The following IQSEC2 variants were observed in gnomAD, a reference collection of about 807,000 sequenced individuals.
The protein encoded by IQSEC2 is IQ motif and Sec7 domain ArfGEF 2.
IQSEC2 carries 6 observed loss-of-function variants against 74.6 expected under a neutral mutation model. The ratio of observed to expected loss-of-function variants is 0.08; its 90% CI spans 0.04 to 0.16. IQSEC2 has a LOEUF of 0.16. Ranked by LOEUF, IQSEC2 falls within the 10% of genes least tolerant of loss-of-function variation. The probability of loss-of-function intolerance (pLI) is 1.00; values close to 1 mark genes in which losing one functional copy is unlikely to be tolerated. For synonymous variants in IQSEC2, 494 were observed against 544.5 expected, an observed-to-expected ratio of 0.91 and a Z score of 1.29; for missense variants, 734 against 1,306.2, an observed-to-expected ratio of 0.56 and a Z score of 6.75.
At chrX:53,244,226 AAAAAG>A (rs2074268240) in intron 8 of IQSEC2, among the ~76,000 whole-genome samples, 1 of 107,576 alleles carries the variant, frequency 9.3e-6, no homozygotes. Flanking sequence ...CAAAAAAAAA[AAAAAG>A]AAAAAGAAAA....
chrX:53,242,733 CT>C (rs1335132185), intron 9 of IQSEC2, among the ~76,000 whole-genome samples: 20 of 105,746 alleles, frequency 1.9e-4, no homozygotes, highest in East Asian at 3.0e-4. Flanking sequence ...AAAGCGTTTT[CT>C]TTTTTTTTTT....
intron 2 of IQSEC2, chrX:53,279,339 G>C (rs1411444264): frequency 2.5e-6 from 1 of 397,811 alleles, no homozygotes; most frequent in African/African-American, 2.5e-5. Flanking sequence ...AGGCCTTTTG[G>C]GGCAGGTCTC....
intron 1 of IQSEC2, among the ~76,000 whole-genome samples, chrX:53,314,073 C>T (rs1406777301): frequency 6.3e-5 from 7 of 111,918 alleles, no homozygotes; most frequent in Non-Finnish European, 9.4e-5. Flanking sequence ...TTCACTGTAA[C>T]CTCAACCTCC....
At chrX:53,311,281 A>C (rs2146512222) in intron 1 of IQSEC2, among the ~76,000 whole-genome samples, 1 of 109,151 alleles carries the variant, frequency 9.2e-6, no homozygotes, top group African/African-American at 3.3e-5. Context: ...CTGTAAAATG[A>C]ATAGCTTCAG....
At chrX:53,316,666 A>G (rs1435796882) in intron 1 of IQSEC2, among the ~76,000 whole-genome samples, 2 of 110,594 alleles carry the variant, frequency 1.8e-5, no homozygotes, top group Non-Finnish European at 3.8e-5. Context: ...GCTTAAAAGA[A>G]TTGGGCGGAT....
Position 53,250,645 on chromosome X carries a change from G to A in IQSEC2, c.1931C>T (p.Pro644Leu). 1 of 1,209,193 alleles carries A rather than the reference G, an allele frequency of 8.3e-7. No homozygotes were observed. The highest frequency in any genetic ancestry group is 1.1e-6 in the Non-Finnish European group (1 of 894,248). Residue 644 changes from proline (P) to leucine (L), a missense_variant, in exon 5 of 15, where the codon CCA becomes CTA. Around this residue, in one of 12 missense-constraint regions of IQSEC2, gnomAD observed 204 missense variants for 305.4 expected, o/e 0.67. Transcript: ENST00000642864. Reference protein sequence around the residue: ...HKGPPGRAPIPHRHYPAPEGP... With the variant: ...HKGPPGRAPILHRHYPAPEGP... Reference sequence around the variant, plus strand: ...TTCAGGGGCTGGGTAGTGGCGGTGTGGGATCGGGGCCCTGCCTGGTGGCCC... The same window carrying A: ...TTCAGGGGCTGGGTAGTGGCGGTGTAGGATCGGGGCCCTGCCTGGTGGCCC...
chrX:53,241,705 T>C, intron 10 of IQSEC2, 79 bp downstream of exon 10: 1 of 1,166,763 alleles, frequency 8.6e-7, no homozygotes, highest in Non-Finnish European at 1.2e-6. Flanking sequence ...ACCACACACC[T>C]ACATCAATAT....
intron 11 of IQSEC2, 104 bp from the exon 12 acceptor site, chrX:53,238,410 C>T: frequency 1.3e-6 from 1 of 790,716 alleles, no homozygotes; most frequent in African/African-American, 2.0e-5. Flanking sequence ...GAGACAACAT[C>T]TCTCTGTCAC....
At chrX:53,270,697 A>T (rs1305372189) in intron 2 of IQSEC2, among the ~76,000 whole-genome samples, 1 of 112,346 alleles carries the variant, frequency 8.9e-6, no homozygotes, top group African/African-American at 3.2e-5. Context: ...TCAGTGCTAA[A>T]CCCCTAGTGC....
At position 53,234,450 on chromosome X, in the gene IQSEC2, C is replaced by G; in HGVS notation, c.4236G>C (p.Gly1412=). The change falls in exon 15 of 15, where the codon GGG becomes GGC. Residue 1412 remains glycine, a synonymous_variant. Coordinates refer to ENST00000642864, the MANE Select transcript of IQSEC2 (RefSeq NM_001111125.3). ...AAGGPGSRPP[G]GSYSHPHHPQ... is the part of the protein sequence containing the mutation. ...GGTGGTGGGGGTGGGAGTAGGAGCC[C>G]CCTGGTGGCCGGGATCCAGGGCCCC... The G allele has an allele frequency of 1.9e-6, 2 of 1,069,159 alleles. No individual in the cohort carries two copies. The highest frequency in any genetic ancestry group is 7.2e-5 in the East Asian group (2 of 27,880). The allele number at this position is 1,069,159 out of a possible 1,213,427, so 88.1% of individuals were successfully genotyped here.
In IQSEC2 at chrX:53,321,172, T is replaced by C. The variant is rs1556880406; in HGVS notation, c.-49A>G. ...ACGGGCAGGAGAGCCCTGTCCCCGC[T>C]CTCTCACGGCGCCACCCTCCCCCGG... On this transcript the variant is annotated 5_prime_UTR_variant, in exon 1 of 15. Coordinates refer to ENST00000642864, the MANE Select transcript of IQSEC2 (RefSeq NM_001111125.3). 2 of 819,571 alleles carry C rather than the reference T, an allele frequency of 2.4e-6. No individual in the cohort carries two copies. Among genetic ancestry groups the C allele is most frequent in the Non-Finnish European group, 3.5e-6 (2 of 578,287 alleles). 67.5% of individuals were successfully genotyped at this position (819,571 alleles called of 1,213,427 possible). A position where few individuals can be genotyped will look rare whatever the true frequency, so the allele number is the denominator to read the frequency against.
chrX:53,290,058 G>C (rs887870130), intron 2 of IQSEC2, among the ~76,000 whole-genome samples: 2 of 111,851 alleles, frequency 1.8e-5, no homozygotes, highest in Non-Finnish European at 3.8e-5. Context: ...GAGCTCCCGT[G>C]GTGATGGTAT....
chrX:53,241,546 C>G (rs782484948), intron 10 of IQSEC2, among the ~76,000 whole-genome samples: 1 of 111,971 alleles, frequency 8.9e-6, no homozygotes, highest in Non-Finnish European at 1.9e-5. Flanking sequence ...AGTCTGTCAT[C>G]TCCTTTGGTC....
chrX:53,255,189 C>CA (rs61173462), intron 3 of IQSEC2, among the ~76,000 whole-genome samples: 36 of 100,221 alleles, frequency 3.6e-4, no homozygotes, highest in Middle Eastern at 5.2e-3. Context: ...ACAGAGAAGC[C>CA]AAAAAAAAAG....
rs1441188323 is a variant in IQSEC2 at position 53,315,783 on chromosome X, G to A, written c.707+4634C>T. On this transcript the variant is annotated intron_variant, in intron 1 of 14. Transcript: ENST00000642864. ...GAAGGCTGAGACTCACTCGGTACAC[G>A]TGTGGCCTCTTCCCCATGCTCCAGG... 8.9e-5 allele frequency among the ~76,000 whole-genome samples: 10 copies of A among 112,115 alleles called. No homozygotes were observed. The East Asian group carries it at 1.1e-3, about 13-fold the overall frequency.
chrX:53,232,387 AAGGCC>A (rs1170670036), downstream of IQSEC2, among the ~76,000 whole-genome samples: 10 of 111,974 alleles, frequency 8.9e-5, no homozygotes, highest in Non-Finnish European at 1.9e-4. Context: ...GAGGAGCTCC[AAGGCC>A]AGGCCAGGCC....
chrX:53,278,003 C>CTTTTTTTTTTTTT (rs36027805), intron 2 of IQSEC2, among the ~76,000 whole-genome samples: 12 of 37,572 alleles, frequency 3.2e-4, no homozygotes, highest in African/African-American at 9.5e-4. Flanking sequence ...TTTTCTTTTT[C>CTTTTTTTTTTTTT]TTTTTTTTTT....
chrX:53,261,433 C>T (rs781840525), intron 2 of IQSEC2, among the ~76,000 whole-genome samples: 16 of 109,941 alleles, frequency 1.5e-4, no homozygotes, highest in Admixed American at 3.9e-4. Flanking sequence ...ACTTCAGAAA[C>T]GGTCTGGGAG....
intron 1 of IQSEC2, among the ~76,000 whole-genome samples, chrX:53,316,842 A>G (rs1556879204): frequency 3.6e-5 from 4 of 110,037 alleles, no homozygotes; most frequent in Non-Finnish European, 7.6e-5. Context: ...AAAAAAAAAA[A>G]AAAAAGAAAA....
Sources: allele counts gnomAD v4.1 joint callset (sites outside exome capture counted in the v4.1 genomes callset), GRCh38; gene constraint gnomAD v4.1.1; regional missense constraint gnomAD v4.1.1; transcripts MANE v1.5; gene names NCBI Gene and HGNC (gene_info 2026-07-23, HGNC 2026-07-21).